Variants in POC1B observed in about 807,000 individuals in gnomAD.
POC1B encodes the protein POC1 centriolar protein B.
POC1B carries 44 observed loss-of-function variants against 60.6 expected under a neutral mutation model. The observed-to-expected ratio is 0.73, with a 90% CI of 0.57 to 0.93. POC1B has a LOEUF of 0.93. Among genes scored for constraint, POC1B ranks in the 40% least tolerant of loss-of-function variants. The pLI, the probability that POC1B is intolerant of heterozygous loss-of-function variation, is 0.00. For missense variants in POC1B, 555 were observed against 572.3 expected (o/e 0.97, Z 0.31); for synonymous variants, 180 against 198.9 (o/e 0.90, Z 0.80).
intron 4 of POC1B, among the ~76,000 whole-genome samples, chr12:89,473,469 G>A (rs1344958181): frequency 1.3e-5 from 2 of 152,008 alleles, no homozygotes; most frequent in Admixed American, 6.6e-5. Flanking sequence ...TCAGGAGTTC[G>A]AGACCAGCCT....
chr12:89,421,423 C>T (rs1270170155), intron 11 of POC1B, among the ~76,000 whole-genome samples, 166 bp from the exon 12 acceptor site: 1 of 151,974 alleles, frequency 6.6e-6, no homozygotes, highest in East Asian at 1.9e-4. Flanking sequence ...TGGGCCCAAC[C>T]ATAGGGCAAG....
chr12:89,523,252 G>A (rs1197294455), intron 2 of POC1B: 3 of 1,613,942 alleles, frequency 1.9e-6, no homozygotes, highest in African/African-American at 1.3e-5. Flanking sequence ...ATGTAAATTA[G>A]GAAAAACGTT....
At chr12:89,474,768 A>T (rs1883041339) in intron 4 of POC1B, among the ~76,000 whole-genome samples, 1 of 152,198 alleles carries the variant, frequency 6.6e-6, no homozygotes, top group Non-Finnish European at 1.5e-5. Flanking sequence ...AGAGCACTGG[A>T]AGTTCTGTGT....
At chr12:89,407,736 A>G in the POC1B span, among the ~76,000 whole-genome samples, 1 of 152,252 alleles carries the variant, frequency 6.6e-6, no homozygotes, top group African/African-American at 2.4e-5. Flanking sequence ...TTGACTATGC[A>G]GCAACTTAAT....
At chr12:89,480,925 G>C (rs1868348642) in intron 4 of POC1B, among the ~76,000 whole-genome samples, 1 of 151,754 alleles carries the variant, frequency 6.6e-6, no homozygotes, top group African/African-American at 2.4e-5. Context: ...TAATAGAGAT[G>C]GGGTTTTGCC....
chr12:89,457,805 T>C (rs1231130021), intron 10 of POC1B, among the ~76,000 whole-genome samples: 1 of 152,214 alleles, frequency 6.6e-6, no homozygotes, highest in Non-Finnish European at 1.5e-5. Flanking sequence ...TTCTGTTTTG[T>C]AGCACAGCTA....
chr12:89,494,435 C>T (rs1308475457), intron 3 of POC1B, among the ~76,000 whole-genome samples: 1 of 152,122 alleles, frequency 6.6e-6, no homozygotes. Flanking sequence ...CATCCCTGTA[C>T]ATGCATGTCT....
At chr12:89,482,461 T>A (rs1868400984) in intron 4 of POC1B, among the ~76,000 whole-genome samples, 1 of 152,076 alleles carries the variant, frequency 6.6e-6, no homozygotes, top group Non-Finnish European at 1.5e-5. Context: ...TGAAAAAATA[T>A]CAATCCATAG....
intron 2 of POC1B, among the ~76,000 whole-genome samples, chr12:89,517,713 A>C (rs1870513969): frequency 6.6e-6 from 1 of 152,148 alleles, no homozygotes; most frequent in Non-Finnish European, 1.5e-5. Flanking sequence ...TGTTGTTCCA[A>C]CAAATGGATT....
At chr12:89,498,422 A>G (rs1317465950) in intron 2 of POC1B, among the ~76,000 whole-genome samples, 1 of 152,256 alleles carries the variant, frequency 6.6e-6, no homozygotes, top group African/African-American at 2.4e-5. Flanking sequence ...AAGTAGGTCA[A>G]TGAGAATCAC....
chr12:89,405,422 C>T, the POC1B span, among the ~76,000 whole-genome samples: 3 of 151,910 alleles, frequency 2.0e-5, no homozygotes, highest in African/African-American at 7.2e-5. Flanking sequence ...GTGGGTGGAT[C>T]ACCTGAGGCC....
At chr12:89,462,090 C>T (rs532763725) in intron 9 of POC1B, among the ~76,000 whole-genome samples, 1 of 151,982 alleles carries the variant, frequency 6.6e-6, no homozygotes, top group Non-Finnish European at 1.5e-5. Flanking sequence ...CCTTGACCTA[C>T]AAGTTGGGAA....
rs184552439 is a variant in POC1B, at chr12:89,432,262, C to A, written c.1114-6883G>T. On this transcript the variant is annotated intron_variant, in intron 10 of 11. Coordinates refer to ENST00000313546, the MANE Select transcript of POC1B (RefSeq NM_172240.3). ...TTAGCCAGGTGTTGCGGCATGCACC[C>A]GTAGTCCCAGCTACTCAGGAGGCTG... is the stretch of plus-strand genomic sequence containing the variant. 2.0e-5 allele frequency among the ~76,000 whole-genome samples: 3 copies of A among 151,508 alleles called. No homozygotes were observed. In the East Asian group the frequency reaches 5.8e-4, roughly 29 times the overall value.
Position 89,421,126 on chromosome 12 carries a change from C to T in POC1B, c.*27G>A, listed in dbSNP as rs192036941. ...CATTTGTTCATTTATTGGGCCTCTG[C>T]CCAACAAATGAAAATGAATTTTTTA... On this transcript the variant is annotated 3_prime_UTR_variant, in exon 12 of 12. Transcript: ENST00000313546. 1.9e-4 allele frequency: 291 copies of T among 1,535,462 alleles called. 1 individual carries two copies. The East Asian group carries it at 4.2e-3, about 22-fold the overall frequency.
In POC1B at chr12:89,524,605, G is replaced by C. The variant is rs1297219268; in HGVS notation, c.100+515C>G. ...GCCACCAAGCCACCACGCAGGGGAA[G>C]GGCGGCGGAACCCACAGCTCGAGCT... On this transcript the variant is annotated intron_variant, in intron 2 of 11. Coordinates refer to ENST00000313546, the MANE Select transcript of POC1B (RefSeq NM_172240.3). The C allele has an allele frequency of 3.2e-6, 5 of 1,579,844 alleles. No individual in the cohort carries two copies. In the African/African-American group the frequency reaches 5.4e-5, roughly 17 times the overall value.
At chr12:89,459,544 T>A in intron 10 of POC1B, 94 bp downstream of exon 10, 2 of 662,264 alleles carry the variant, frequency 3.0e-6, no homozygotes, top group South Asian at 4.8e-5. Flanking sequence ...CCACGTTTTA[T>A]CTCCTCCCCC....
At chr12:89,404,612 C>T in the POC1B span, among the ~76,000 whole-genome samples, 2 of 152,138 alleles carry the variant, frequency 1.3e-5, no homozygotes, top group Non-Finnish European at 1.5e-5. Flanking sequence ...TGAATGATTT[C>T]CTGCACTAGA....
At chr12:89,411,512 C>T in the POC1B span, among the ~76,000 whole-genome samples, 1 of 152,320 alleles carries the variant, frequency 6.6e-6, no homozygotes, top group Admixed American at 6.5e-5. Context: ...TAGGACCCTC[C>T]TAGGCCTCAA....
At chr12:89,523,515 C>CA in intron 2 of POC1B, 1 of 1,610,758 alleles carries the variant, frequency 6.2e-7, no homozygotes, top group Non-Finnish European at 8.5e-7. Context: ...CACACTGCCA[C>CA]ACCCTAAAAG....
Sources: gnomAD v4.1 joint callset for allele counts (sites outside exome capture counted in the v4.1 genomes callset) on GRCh38, gnomAD v4.1.1 for gene constraint, MANE v1.5 for transcripts, NCBI Gene and HGNC (gene_info 2026-07-23, HGNC 2026-07-21) for gene names.